ADGRL4: variants seen among roughly 807,000 people sequenced by gnomAD.
The protein encoded by ADGRL4 is adhesion G protein-coupled receptor L4, also known as EGF, latrophilin and seven transmembrane domain containing 1.
A neutral mutation model predicts 74.8 loss-of-function variants in ADGRL4; 90 were observed. That is an observed-to-expected ratio of 1.20 (90% CI 1.02 to 1.43). The LOEUF (loss-of-function observed/expected upper bound fraction) is 1.43. ADGRL4 is among the 40% of genes most tolerant of loss of function. The probability of loss-of-function intolerance (pLI) is 0.00; values close to 1 mark genes in which losing one functional copy is unlikely to be tolerated. For synonymous variants in ADGRL4, 311 were observed against 279.2 expected, an observed-to-expected ratio of 1.11 and a Z score of -1.14; for missense variants, 881 against 814.3, an observed-to-expected ratio of 1.08 and a Z score of -1.00.
chr1:78,921,823 A>C, intron 8 of ADGRL4, 37 bp from the exon 9 acceptor site: 1 of 1,202,644 alleles, frequency 8.3e-7, no homozygotes, highest in Non-Finnish European at 1.1e-6. Flanking sequence ...AAAAAGAGAA[A>C]AAGTTACATA....
intron 2 of ADGRL4, among the ~76,000 whole-genome samples, chr1:79,001,201 G>GACA (rs1282415352): frequency 1.2e-5 from 1 of 80,960 alleles, no homozygotes; most frequent in Non-Finnish European, 2.7e-5. Flanking sequence ...GAGGAAGGAA[G>GACA]GAAGGAAGGG....
chr1:78,940,844 T>C (rs1171525248), intron 3 of ADGRL4, among the ~76,000 whole-genome samples: 1 of 152,084 alleles, frequency 6.6e-6, no homozygotes, highest in Non-Finnish European at 1.5e-5. Context: ...CAAAAAGACC[T>C]AGAAAACACA....
At chr1:78,941,073 A>C (rs771746220) in intron 3 of ADGRL4, among the ~76,000 whole-genome samples, 3 of 152,126 alleles carry the variant, frequency 2.0e-5, no homozygotes, top group Non-Finnish European at 4.4e-5. Context: ...AAAGAAACAC[A>C]AATGCTCCTG....
rs11799869 is a variant in ADGRL4 at position 78,964,404 on chromosome 1, C to T, written c.173-17978G>A. On this transcript the variant is annotated intron_variant, in intron 2 of 14. Transcript: ENST00000370742. ...CACTATTTGTGATCAAAGTACAAAGCAGAAAAGGTCGCACAATAACCTTAG... is the reference window on the plus strand; with the variant it reads ...CACTATTTGTGATCAAAGTACAAAGTAGAAAAGGTCGCACAATAACCTTAG... Among the ~76,000 whole-genome samples the T allele has an allele frequency of 3.3e-5, 5 of 152,180 alleles. 1 individual carries two copies. The highest frequency in any genetic ancestry group is 3.3e-4 in the Admixed American group (5 of 15,284).
chr1:78,963,803 A>T (rs1254531803), intron 2 of ADGRL4, among the ~76,000 whole-genome samples: 3 of 152,222 alleles, frequency 2.0e-5, no homozygotes, highest in African/African-American at 7.2e-5. Flanking sequence ...TTTATTAGGC[A>T]TACAATAAAC....
At chr1:79,002,125 T>C (rs1051372797) in intron 2 of ADGRL4, among the ~76,000 whole-genome samples, 13 of 152,108 alleles carry the variant, frequency 8.5e-5, no homozygotes, top group Admixed American at 6.5e-4. Flanking sequence ...ATTCCGCTTA[T>C]AATGTTTATA....
chr1:78,937,924 C>A lies in ADGRL4; in HGVS notation c.643G>T (p.Val215Leu). 6.2e-7 allele frequency: 1 copy of A among 1,613,982 alleles called. No homozygotes were observed. The highest frequency in any genetic ancestry group is 8.5e-7 in the Non-Finnish European group (1 of 1,179,928). ...GTAAGATGTGTTCTCCTATGATTCA[C>A]AGATAACTTGTCCCAAACTACAAAT... is the stretch of plus-strand genomic sequence containing the variant. ...DTFVVWDKLS[V>L]NHRRTHLTKL... Residue 215 changes from valine to leucine, a missense_variant, in exon 6 of 15, where the codon GTG (valine) becomes TTG (leucine). Coordinates refer to ENST00000370742, the MANE Select transcript of ADGRL4 (RefSeq NM_022159.4).
In ADGRL4 at chr1:78,891,085, A is replaced by G. The variant is rs1220067636; in HGVS notation, c.*69T>C. On this transcript the variant is annotated 3_prime_UTR_variant, in exon 15 of 15. Coordinates refer to ENST00000370742, the MANE Select transcript of ADGRL4 (RefSeq NM_022159.4). ...TTGGATAATTTGATGAGTCATTTTT[A>G]TACATTGGTCATCCACAGCTTGGAA... 6.9e-7 allele frequency: 1 copy of G among 1,445,890 alleles called. No homozygotes were observed. Among genetic ancestry groups the G allele is most frequent in the East Asian group, 2.3e-5 (1 of 43,910 alleles). 89.6% of individuals were successfully genotyped at this position (1,445,890 alleles called of 1,614,324 possible).
At chr1:78,921,530 A>C in intron 9 of ADGRL4, 83 bp downstream of exon 9, 5 of 909,430 alleles carry the variant, frequency 5.5e-6, no homozygotes, top group Non-Finnish European at 6.2e-6. Context: ...AAAATATATA[A>C]AAAATTAAAT....
intron 12 of ADGRL4, among the ~76,000 whole-genome samples, chr1:78,905,964 G>A (rs1203418244): frequency 6.6e-6 from 1 of 151,888 alleles, no homozygotes; most frequent in East Asian, 1.9e-4. Context: ...AAGAAATATA[G>A]CTCAAATTAT....
intron 2 of ADGRL4, among the ~76,000 whole-genome samples, chr1:78,948,676 T>A (rs945196876): frequency 5.3e-5 from 8 of 152,170 alleles, no homozygotes; most frequent in South Asian, 2.1e-4. Flanking sequence ...TATATGGCTA[T>A]ATATACTCAG....
chr1:78,998,963 A>C (rs1367004352), intron 2 of ADGRL4, among the ~76,000 whole-genome samples: 1 of 152,210 alleles, frequency 6.6e-6, no homozygotes, highest in African/African-American at 2.4e-5. Context: ...AATAGTGTCT[A>C]GCTCACAGAA....
At chr1:78,989,595 G>A (rs1349021437) in intron 2 of ADGRL4, among the ~76,000 whole-genome samples, 1 of 151,656 alleles carries the variant, frequency 6.6e-6, no homozygotes, top group Admixed American at 6.6e-5. Context: ...GTTATGTGTT[G>A]TAGTTTGTGG....
rs200020799 is a variant in ADGRL4, at chr1:78,999,835, T to C, written c.172+5235A>G. Among the ~76,000 whole-genome samples the C allele has an allele frequency of 5.4e-3, 634 of 116,966 alleles. 3 individuals carry two copies. The highest frequency in any genetic ancestry group is 0.017 in the Middle Eastern group (4 of 236). 76.7% of individuals were successfully genotyped at this position (116,966 alleles called of 152,430 possible). On this transcript the variant is annotated intron_variant, in intron 2 of 14. Transcript: ENST00000370742. ...ATCTATCTATCTATCTATCTATCTATCTATCTACCTACCTACCTACCTATC... is the reference window on the plus strand; with the variant it reads ...ATCTATCTATCTATCTATCTATCTACCTATCTACCTACCTACCTACCTATC...
chr1:78,898,908 G>A (rs1648457667), intron 12 of ADGRL4, among the ~76,000 whole-genome samples: 1 of 152,130 alleles, frequency 6.6e-6, no homozygotes, highest in Non-Finnish European at 1.5e-5. Flanking sequence ...TTAAGTAGAT[G>A]AGTTGGTGAA....
chr1:78,998,182 G>A (rs1650758041), intron 2 of ADGRL4, among the ~76,000 whole-genome samples: 1 of 151,680 alleles, frequency 6.6e-6, no homozygotes, highest in Non-Finnish European at 1.5e-5. Flanking sequence ...CCCCTTTTGT[G>A]GCATTTGACG....
intron 2 of ADGRL4, among the ~76,000 whole-genome samples, chr1:78,974,757 T>C (rs1650243850): frequency 6.6e-6 from 1 of 152,170 alleles, no homozygotes; most frequent in African/African-American, 2.4e-5. Flanking sequence ...AAATGGCTGA[T>C]TGAATCTTTC....
chr1:78,949,177 G>A (rs1649672262), intron 2 of ADGRL4, among the ~76,000 whole-genome samples: 1 of 152,070 alleles, frequency 6.6e-6, no homozygotes, highest in South Asian at 2.1e-4. Flanking sequence ...CATGAGGTCT[G>A]AGGTATTGGT....
At chr1:78,900,405 C>T (rs1372367785) in intron 12 of ADGRL4, among the ~76,000 whole-genome samples, 1 of 152,128 alleles carries the variant, frequency 6.6e-6, no homozygotes, top group Non-Finnish European at 1.5e-5. Context: ...TTTGTGTCGT[C>T]TTAGGCCACT....
Sources: allele counts gnomAD v4.1 joint callset (sites outside exome capture counted in the v4.1 genomes callset), GRCh38; gene constraint gnomAD v4.1.1; transcripts MANE v1.5; gene names NCBI Gene and HGNC (gene_info 2026-07-23, HGNC 2026-07-21).